Variants in LINGO2 observed in about 807,000 individuals in gnomAD.
LINGO2 encodes the protein leucine rich repeat and Ig domain containing 2.
LINGO2 carries 14 observed loss-of-function variants against 30.6 expected under a neutral mutation model. The ratio of observed to expected loss-of-function variants is 0.46; its 90% confidence interval spans 0.30 to 0.72. The LOEUF is 0.72. Among genes scored for constraint, LINGO2 ranks in the 30% least tolerant of loss-of-function variants. The pLI is 0.07. For synonymous variants in LINGO2, 317 were observed against 288.5 expected, an observed-to-expected ratio of 1.10 and a Z score of -1.00; for missense variants, 729 against 751.7, an observed-to-expected ratio of 0.97 and a Z score of 0.35.
At chr9:28,214,383 T>C (rs1175040772) in intron 4 of LINGO2, among the ~76,000 whole-genome samples, 1 of 151,578 alleles carries the variant, frequency 6.6e-6, no homozygotes, top group Non-Finnish European at 1.5e-5. Flanking sequence ...TGCAAAGTCT[T>C]GTCTACACTT....
At chr9:28,140,064 C>A (rs560909554) in intron 4 of LINGO2, among the ~76,000 whole-genome samples, 43 of 152,320 alleles carry the variant, frequency 2.8e-4, no homozygotes, top group African/African-American at 1.0e-3. Flanking sequence ...CTTTGTCCCT[C>A]CAGCAAAACA....
the LINGO2 span, among the ~76,000 whole-genome samples, chr9:28,875,454 A>T: frequency 6.6e-6 from 1 of 152,118 alleles, no homozygotes; most frequent in African/African-American, 2.4e-5. Flanking sequence ...ATATGTTTAC[A>T]ATACTATTAT....
intron 4 of LINGO2, among the ~76,000 whole-genome samples, chr9:28,239,422 A>T (rs1300994875): frequency 6.6e-6 from 1 of 152,168 alleles, no homozygotes; most frequent in South Asian, 2.1e-4. Flanking sequence ...ACAATATATT[A>T]AAAATATCAT....
At chr9:28,078,243 G>T (rs1825681135) in intron 4 of LINGO2, among the ~76,000 whole-genome samples, 2 of 149,048 alleles carry the variant, frequency 1.3e-5, no homozygotes, top group Non-Finnish European at 2.9e-5. Context: ...CTCAGGAAGT[G>T]TGTGTCTCCT....
chr9:28,447,339 AG>A (rs1218167724), intron 2 of LINGO2, among the ~76,000 whole-genome samples: 1 of 152,174 alleles, frequency 6.6e-6, no homozygotes, highest in Non-Finnish European at 1.5e-5. Context: ...TAAAACTCAA[AG>A]GTAGCTTGTT....
chr9:28,064,072 C>T lies in LINGO2; in HGVS notation c.-86-51667G>A, dbSNP rs1422238720. Among the ~76,000 whole-genome samples the T allele has an allele frequency of 2.6e-5, 4 of 152,030 alleles. No homozygotes were observed. In the East Asian group the frequency reaches 5.8e-4, roughly 22 times the overall value. On this transcript the variant is annotated intron_variant, in intron 4 of 5. Transcript: ENST00000379992. ...ATCATTTTACATAAAGAAACCAGAGCTAGAACTTCAGTAGGGGGAGAAAAA... is the reference window on the plus strand; with the variant it reads ...ATCATTTTACATAAAGAAACCAGAGTTAGAACTTCAGTAGGGGGAGAAAAA...
chr9:29,050,723 C>G, the LINGO2 span, among the ~76,000 whole-genome samples: 1 of 151,948 alleles, frequency 6.6e-6, no homozygotes, highest in South Asian at 2.1e-4. Flanking sequence ...TTTTTTTCTT[C>G]CAGGCTGTCA....
the LINGO2 span, among the ~76,000 whole-genome samples, chr9:28,711,489 C>A: frequency 0.17 from 25,850 of 152,054 alleles, 2,445 homozygotes; most frequent in Admixed American, 0.3. Flanking sequence ...ATTCTCTTAA[C>A]CACCTAAGCC....
intron 5 of LINGO2, among the ~76,000 whole-genome samples, chr9:27,960,614 CT>C (rs540319420): frequency 0.11 from 13,292 of 122,198 alleles, 625 homozygotes; most frequent in Admixed American, 0.17. Flanking sequence ...TGTGGTATAT[CT>C]TTTTTTTTTT....
the LINGO2 span, among the ~76,000 whole-genome samples, chr9:28,693,188 T>C: frequency 6.6e-6 from 1 of 152,094 alleles, no homozygotes; most frequent in African/African-American, 2.4e-5. Flanking sequence ...TGAGGTTGTA[T>C]TTTACATGTG....
chr9:28,917,305 A>G, the LINGO2 span, among the ~76,000 whole-genome samples: 1 of 152,082 alleles, frequency 6.6e-6, no homozygotes, highest in Admixed American at 6.6e-5. Context: ...CAGCCTTCCA[A>G]CATGTTAAGA....
the LINGO2 span, among the ~76,000 whole-genome samples, chr9:28,959,145 G>A: frequency 6.6e-6 from 1 of 152,106 alleles, no homozygotes; most frequent in Non-Finnish European, 1.5e-5. Flanking sequence ...GGTCTGCTGA[G>A]TTGGTTTGTT....
the LINGO2 span, among the ~76,000 whole-genome samples, chr9:28,761,984 T>C: frequency 6.6e-6 from 1 of 151,792 alleles, no homozygotes; most frequent in Non-Finnish European, 1.5e-5. Context: ...CGTGGTTTAA[T>C]GCTTATTCAA....
At chr9:28,409,473 G>A (rs1007085344) in intron 2 of LINGO2, among the ~76,000 whole-genome samples, 1 of 152,086 alleles carries the variant, frequency 6.6e-6, no homozygotes, top group Non-Finnish European at 1.5e-5. Flanking sequence ...TGAATCTGAT[G>A]TGGATTTTTG....
the LINGO2 span, among the ~76,000 whole-genome samples, chr9:28,998,620 G>A: frequency 1.3e-5 from 2 of 151,744 alleles, no homozygotes; most frequent in Admixed American, 1.3e-4. Flanking sequence ...AAATAGAATC[G>A]GTACATCCTA....
intron 4 of LINGO2, among the ~76,000 whole-genome samples, chr9:28,260,115 A>T (rs180729685): frequency 1.3e-4 from 20 of 152,040 alleles, no homozygotes; most frequent in Non-Finnish European, 2.9e-5. Context: ...AAACTTCAGG[A>T]TCCATAAATT....
chr9:28,865,234 G>A, the LINGO2 span, among the ~76,000 whole-genome samples: 1 of 152,112 alleles, frequency 6.6e-6, no homozygotes, highest in Non-Finnish European at 1.5e-5. Flanking sequence ...ACACAAGTGA[G>A]CATCACCAGA....
intron 3 of LINGO2, among the ~76,000 whole-genome samples, chr9:28,340,108 T>A (rs879662762): frequency 6.6e-6 from 1 of 152,184 alleles, no homozygotes; most frequent in Non-Finnish European, 1.5e-5. Context: ...AGAATGATAG[T>A]GAAGAGCACA....
intron 4 of LINGO2, among the ~76,000 whole-genome samples, chr9:28,124,198 A>G (rs899384584): frequency 4.6e-5 from 7 of 152,162 alleles, no homozygotes; most frequent in African/African-American, 1.7e-4. Context: ...GCACTCATTA[A>G]CCCTGCTCAC....
Sources: gnomAD v4.1 joint callset for allele counts (sites outside exome capture counted in the v4.1 genomes callset) on GRCh38, gnomAD v4.1.1 for gene constraint, MANE v1.5 for transcripts, NCBI Gene and HGNC (gene_info 2026-07-23, HGNC 2026-07-21) for gene names.